HDAC8: variants seen among roughly 807,000 people sequenced by gnomAD.
HDAC8 encodes the protein histone deacetylase 8.
In HDAC8, 1 loss-of-function variant was observed where a neutral mutation model predicts 32.2. The ratio of observed to expected loss-of-function variants is 0.03; its 90% CI spans 0.01 to 0.15. The LOEUF is 0.15. Ranked by LOEUF, HDAC8 falls within the 10% of genes least tolerant of loss-of-function variation. The pLI is 1.00. For synonymous variants in HDAC8, 108 were observed against 113.9 expected, an observed-to-expected ratio of 0.95 and a Z score of 0.33; for missense variants, 117 against 300.0, an observed-to-expected ratio of 0.39 and a Z score of 4.51.
chrX:72,374,475 C>G (rs1555957323), intron 9 of HDAC8, among the ~76,000 whole-genome samples: 1 of 110,890 alleles, frequency 9.0e-6, no homozygotes, highest in African/African-American at 3.3e-5. Flanking sequence ...AGTTCAAGAC[C>G]AACCTGGGCA....
chrX:72,368,143 T>C (rs1369515436), intron 9 of HDAC8, among the ~76,000 whole-genome samples: 1 of 111,995 alleles, frequency 8.9e-6, no homozygotes, highest in African/African-American at 3.2e-5. Context: ...GTTTCCTCTT[T>C]ATCTGCAAAA....
chrX:72,390,152 C>T (rs142087681), intron 9 of HDAC8, among the ~76,000 whole-genome samples: 10 of 111,342 alleles, frequency 9.0e-5, no homozygotes, highest in Non-Finnish European at 1.7e-4. Context: ...TCACCTCAAA[C>T]ATTCATCATG....
intron 9 of HDAC8, among the ~76,000 whole-genome samples, chrX:72,412,504 C>T (rs1258293469): frequency 2.7e-5 from 3 of 111,800 alleles, no homozygotes; most frequent in African/African-American, 9.8e-5. Context: ...AGGTAGCACC[C>T]ACACTTCTGC....
intron 5 of HDAC8, among the ~76,000 whole-genome samples, chrX:72,493,282 G>C (rs1030079579): frequency 1.8e-5 from 2 of 111,544 alleles, no homozygotes; most frequent in African/African-American, 6.5e-5. Flanking sequence ...GATAAGGGTG[G>C]AAAGATGAGG....
At chrX:72,428,083 T>G (rs990718567) in intron 9 of HDAC8, among the ~76,000 whole-genome samples, 3 of 112,410 alleles carry the variant, frequency 2.7e-5, no homozygotes, top group Admixed American at 1.9e-4. Context: ...CTGGCCCCCC[T>G]TTAGATTATG....
chrX:72,413,640 G>T (rs1045899216), intron 9 of HDAC8, among the ~76,000 whole-genome samples: 4 of 110,578 alleles, frequency 3.6e-5, no homozygotes, highest in Non-Finnish European at 7.6e-5. Context: ...TGAATCATGG[G>T]GGCGGTTACC....
intron 5 of HDAC8, among the ~76,000 whole-genome samples, chrX:72,492,230 T>C (rs1189423497): frequency 1.2e-4 from 13 of 112,439 alleles, no homozygotes; most frequent in Non-Finnish European, 2.4e-4. Flanking sequence ...ACCAATCATG[T>C]ATGAGAGTTC....
chrX:72,497,844 C>A (rs2049076567), intron 4 of HDAC8, among the ~76,000 whole-genome samples: 1 of 111,530 alleles, frequency 9.0e-6, no homozygotes, highest in Non-Finnish European at 1.9e-5. Flanking sequence ...CATACCTAGA[C>A]CATTTCTAAG....
intron 9 of HDAC8, among the ~76,000 whole-genome samples, chrX:72,401,291 G>T (rs1170577540): frequency 1.8e-5 from 2 of 111,780 alleles, no homozygotes; most frequent in Non-Finnish European, 3.8e-5. Context: ...GCTGGACGCA[G>T]CAGTGCAATC....
chrX:72,515,192 T>A (rs1453643169), intron 4 of HDAC8, among the ~76,000 whole-genome samples: 1 of 110,712 alleles, frequency 9.0e-6, no homozygotes, highest in African/African-American at 3.3e-5. Context: ...GACCAACATC[T>A]CCCCATTTCC....
chrX:72,405,068 G>A lies in HDAC8; in HGVS notation c.1006-53230C>T, dbSNP rs183453480. On this transcript the variant is annotated intron_variant, in intron 9 of 10. Coordinates refer to ENST00000373573, the MANE Select transcript of HDAC8 (RefSeq NM_018486.3). ...TTGTTGTACAGATTATTTCATAACC[G>A]AGGTAATTAAGCCTAGTACCCATTA... 3.9e-4 allele frequency among the ~76,000 whole-genome samples: 43 copies of A among 110,671 alleles called. No homozygotes were observed. The East Asian group carries it at 9.3e-3, about 24-fold the overall frequency.
At chrX:72,473,664 C>G in intron 7 of HDAC8, 1 of 753,828 alleles carries the variant, frequency 1.3e-6, no homozygotes, top group South Asian at 6.8e-5. Flanking sequence ...TACAGTATAT[C>G]TGCTTCCATG....
intron 10 of HDAC8, among the ~76,000 whole-genome samples, chrX:72,350,107 G>A (rs2044133900): frequency 9.0e-6 from 1 of 111,159 alleles, no homozygotes; most frequent in South Asian, 3.8e-4. Flanking sequence ...GCCAGGAGTG[G>A]AAGGATTTTG....
At chrX:72,348,121 G>A (rs1284387595) in intron 10 of HDAC8, among the ~76,000 whole-genome samples, 2 of 111,963 alleles carry the variant, frequency 1.8e-5, no homozygotes, top group Non-Finnish European at 3.8e-5. Flanking sequence ...TAAGGGATGT[G>A]GCAAGAAAGA....
At chrX:72,389,849 C>T (rs1409764536) in intron 9 of HDAC8, among the ~76,000 whole-genome samples, 7 of 111,229 alleles carry the variant, frequency 6.3e-5, no homozygotes, top group Non-Finnish European at 1.3e-4. Context: ...TAAGAACAGT[C>T]GGAATCAGAT....
intron 9 of HDAC8, among the ~76,000 whole-genome samples, chrX:72,370,326 G>T (rs782188863): frequency 1.8e-5 from 2 of 112,153 alleles, no homozygotes; most frequent in African/African-American, 3.2e-5. Flanking sequence ...ACAGAGATTG[G>T]TATTAGCTGA....
At chrX:72,350,377 G>A (rs782607552) in intron 10 of HDAC8, among the ~76,000 whole-genome samples, 2 of 111,759 alleles carry the variant, frequency 1.8e-5, no homozygotes, top group Non-Finnish European at 3.8e-5. Context: ...CATTTACTGG[G>A]CTCTGCTAGT....
At chrX:72,508,892 T>C (rs1423494773) in intron 4 of HDAC8, among the ~76,000 whole-genome samples, 5 of 111,810 alleles carry the variant, frequency 4.5e-5, no homozygotes, top group African/African-American at 1.6e-4. Flanking sequence ...GTTAAAGCAA[T>C]AGAAAACAAA....
At position 72,351,113 on chromosome X, in the gene HDAC8, C is replaced by CT. The variant is rs781848166; in HGVS notation, c.1111+619dup. 9.1e-3 allele frequency among the ~76,000 whole-genome samples: 956 copies of CT among 104,631 alleles called. 12 individuals are homozygous for CT. Among genetic ancestry groups the CT allele is most frequent in the African/African-American group, 0.029 (853 of 29,036 alleles). 90.9% of individuals were successfully genotyped at this position (104,631 alleles called of 115,157 possible). A position where few individuals can be genotyped will look rare whatever the true frequency, so the allele number is the denominator to read the frequency against. ...AGTCTGAATTGACTTGAATTTTCCT[C>CT]TTTTTTTTTTTTGGGACAGGGTCTC... On this transcript the variant is annotated intron_variant, in intron 10 of 10. Coordinates refer to ENST00000373573, the MANE Select transcript of HDAC8 (RefSeq NM_018486.3).
Sources: allele counts gnomAD v4.1 joint callset (sites outside exome capture counted in the v4.1 genomes callset), GRCh38; gene constraint gnomAD v4.1.1; transcripts MANE v1.5; gene names NCBI Gene and HGNC (gene_info 2026-07-23, HGNC 2026-07-21).